Variants in RMDN2 observed in about 807,000 individuals in gnomAD.
RMDN2 encodes regulator of microtubule dynamics protein 2.
RMDN2 carries 61 observed loss-of-function variants against 52.8 expected under a neutral mutation model. That is an observed-to-expected ratio of 1.16 (90% confidence interval 0.94 to 1.43). The LOEUF is 1.43. Among genes scored for constraint, RMDN2 ranks in the 40% most tolerant of loss-of-function variants. RMDN2 has a pLI of 0.00. For missense variants in RMDN2, 592 were observed against 475.3 expected, an observed-to-expected ratio of 1.25 and a Z score of -2.28; for synonymous variants, 180 against 153.1, an observed-to-expected ratio of 1.18 and a Z score of -1.30.
chr2:38,026,389 C>A (rs957081287), intron 10 of RMDN2, among the ~76,000 whole-genome samples: 1 of 152,052 alleles, frequency 6.6e-6, no homozygotes, highest in Non-Finnish European at 1.5e-5. Context: ...AACATTATAA[C>A]CAATGGCTGG....
intron 1 of RMDN2, among the ~76,000 whole-genome samples, chr2:37,928,230 C>G (rs769775739): frequency 1.3e-5 from 2 of 152,118 alleles, no homozygotes; most frequent in Admixed American, 6.5e-5. Flanking sequence ...AATAGGAATC[C>G]AAAGACGTTC....
chr2:38,046,375 G>T (rs1681270965), intron 10 of RMDN2, among the ~76,000 whole-genome samples: 4 of 151,830 alleles, frequency 2.6e-5, no homozygotes, highest in Admixed American at 2.0e-4. Flanking sequence ...TTTAAAATAA[G>T]AACAATAATA....
intron 10 of RMDN2, among the ~76,000 whole-genome samples, chr2:38,024,447 G>A (rs1679623747): frequency 6.6e-6 from 1 of 151,982 alleles, no homozygotes; most frequent in Non-Finnish European, 1.5e-5. Flanking sequence ...CACTTGGTAG[G>A]GTCAGTCTTT....
chr2:38,050,812 G>A (rs1681548679), intron 10 of RMDN2, among the ~76,000 whole-genome samples: 1 of 152,208 alleles, frequency 6.6e-6, no homozygotes, highest in Non-Finnish European at 1.5e-5. Flanking sequence ...AGGCTGGAGT[G>A]CGGTGGCACG....
rs925237381 is a variant in RMDN2 at position 38,004,359 on chromosome 2, A to C, written c.1179+143A>C. On this transcript the variant is annotated intron_variant, in intron 10 of 10. Transcript: ENST00000354545. Reference sequence around the variant, plus strand: ...TTTTATTCTACCTTTATTGAAGTATAATTGACAAAAACTATATGTATACAG... The same window carrying C: ...TTTTATTCTACCTTTATTGAAGTATCATTGACAAAAACTATATGTATACAG... The C allele has an allele frequency of 6.4e-6, 4 of 629,074 alleles. No individual in the cohort carries two copies. The Admixed American group carries it at 1.2e-4, about 18-fold the overall frequency. The allele number at this position is 629,074 out of a possible 1,614,324, so 39.0% of individuals were successfully genotyped here.
intron 2 of RMDN2, among the ~76,000 whole-genome samples, chr2:37,933,389 C>A (rs987240362): frequency 6.6e-6 from 1 of 152,244 alleles, no homozygotes; most frequent in African/African-American, 2.4e-5. Flanking sequence ...GCAGAGGCTG[C>A]AATCTCGGCA....
chr2:37,977,510 G>A (rs937848242), intron 4 of RMDN2, among the ~76,000 whole-genome samples: 2 of 149,258 alleles, frequency 1.3e-5, no homozygotes, highest in East Asian at 2.0e-4. Flanking sequence ...GCGGAGACGC[G>A]CCTCACTTCC....
At chr2:37,927,117 G>A (rs1443823151) in intron 1 of RMDN2, among the ~76,000 whole-genome samples, 1 of 152,166 alleles carries the variant, frequency 6.6e-6, no homozygotes, top group African/African-American at 2.4e-5. Flanking sequence ...CTTTAATTGT[G>A]TTTGTTTAAA....
At chr2:38,044,846 T>G (rs1446625366) in intron 10 of RMDN2, among the ~76,000 whole-genome samples, 1 of 152,162 alleles carries the variant, frequency 6.6e-6, no homozygotes, top group African/African-American at 2.4e-5. Context: ...ATGAAATTCC[T>G]TGGTAATGCT....
At chr2:38,065,496 T>G (rs1268903728) in intron 10 of RMDN2, among the ~76,000 whole-genome samples, 1 of 152,182 alleles carries the variant, frequency 6.6e-6, no homozygotes, top group Non-Finnish European at 1.5e-5. Flanking sequence ...TTGTCTCACC[T>G]AAAGGGGCCT....
downstream of RMDN2, among the ~76,000 whole-genome samples, chr2:38,019,225 G>C (rs1679153946): frequency 6.6e-6 from 1 of 152,164 alleles, no homozygotes. Context: ...AGGTTTTGTG[G>C]GAGCAACTCA....
chr2:38,048,780 C>T (rs1163124622), intron 10 of RMDN2, among the ~76,000 whole-genome samples: 2 of 152,150 alleles, frequency 1.3e-5, no homozygotes, highest in African/African-American at 4.8e-5. Flanking sequence ...CCCACATGGA[C>T]GATAGAGAAG....
At chr2:37,943,827 CT>C (rs1258812044) in intron 2 of RMDN2, among the ~76,000 whole-genome samples, 1 of 151,826 alleles carries the variant, frequency 6.6e-6, no homozygotes, top group Non-Finnish European at 1.5e-5. Flanking sequence ...TTAATTGAGG[CT>C]TTTTTTTCAC....
In RMDN2 at chr2:37,962,353, G is replaced by T. The variant is rs560286055; in HGVS notation, c.453-11687G>T. Among the ~76,000 whole-genome samples the T allele has an allele frequency of 4.6e-5, 7 of 152,332 alleles. No individual in the cohort carries two copies. In the East Asian group the frequency reaches 1.2e-3, roughly 25 times the overall value. ...ATGGGAGTTTTATCTGTAAGCCCCT[G>T]ACTGGTGCTGCTGCCTTTCTTTCAG... On this transcript the variant is annotated intron_variant, in intron 2 of 10. Coordinates refer to ENST00000354545, the MANE Select transcript of RMDN2 (RefSeq NM_001170791.3).
chr2:37,951,945 G>A, intron 2 of RMDN2: 1 of 1,613,430 alleles, frequency 6.2e-7, no homozygotes, highest in Non-Finnish European at 8.5e-7. Context: ...ATTATGTAAA[G>A]ATTTAAAAGA....
At chr2:38,021,386 C>T (rs1573143811), downstream of RMDN2, among the ~76,000 whole-genome samples, 2 of 152,218 alleles carry the variant, frequency 1.3e-5, no homozygotes, top group South Asian at 4.2e-4. Context: ...GCTGGGGTCC[C>T]CCTCTGCACT....
intron 10 of RMDN2, among the ~76,000 whole-genome samples, chr2:38,050,192 C>T (rs1411130240): frequency 1.3e-5 from 2 of 152,042 alleles, no homozygotes; most frequent in African/African-American, 4.8e-5. Flanking sequence ...TGTGAGACCT[C>T]GCACCATGGC....
intron 4 of RMDN2, among the ~76,000 whole-genome samples, chr2:37,978,257 C>G (rs1271100447): frequency 7.2e-6 from 1 of 138,632 alleles, no homozygotes; most frequent in East Asian, 2.2e-4. Context: ...TGCAGTGAGT[C>G]GAGATGGCGG....
intron 2 of RMDN2, among the ~76,000 whole-genome samples, chr2:37,970,035 C>G (rs1420302509): frequency 1.3e-5 from 2 of 152,026 alleles, no homozygotes; most frequent in South Asian, 2.1e-4. Flanking sequence ...TAGACTCAAG[C>G]TATCCTCTCA....
Sources: allele counts gnomAD v4.1 joint callset (sites outside exome capture counted in the v4.1 genomes callset), GRCh38; gene constraint gnomAD v4.1.1; transcripts MANE v1.5; gene names NCBI Gene and HGNC (gene_info 2026-07-23, HGNC 2026-07-21).